Variants in TRAPPC13 observed in about 807,000 individuals in gnomAD.
The protein encoded by TRAPPC13 is trafficking protein particle complex subunit 13, also known as REV7-interacting novel NHEJ regulator 1.
TRAPPC13 carries 39 observed loss-of-function variants against 54.0 expected under a neutral mutation model. That is an observed-to-expected ratio of 0.72 (90% CI 0.56 to 0.94). The LOEUF (loss-of-function observed/expected upper bound fraction) is 0.94, where lower values mean the gene tolerates loss of function less well. TRAPPC13 is among the 40% of genes least tolerant of loss of function. The pLI is 0.00. For synonymous variants in TRAPPC13, 148 were observed against 167.7 expected, an observed-to-expected ratio of 0.88 and a Z score of 0.91; for missense variants, 386 against 488.1, an observed-to-expected ratio of 0.79 and a Z score of 1.97.
chr5:65,650,380 T>C (rs925613798), intron 5 of TRAPPC13, among the ~76,000 whole-genome samples: 13 of 151,980 alleles, frequency 8.6e-5, no homozygotes, highest in Non-Finnish European at 4.4e-5. Context: ...CAGGCTGCTC[T>C]CGAACTCCTG....
chr5:65,660,470 T>G (rs1245536454), intron 9 of TRAPPC13, among the ~76,000 whole-genome samples: 1 of 151,458 alleles, frequency 6.6e-6, no homozygotes, highest in Non-Finnish European at 1.5e-5. Context: ...CGGGGTCCAA[T>G]TACTATAAAG....
At chr5:65,631,942 T>G (rs565074274) in intron 1 of TRAPPC13, among the ~76,000 whole-genome samples, 1 of 150,662 alleles carries the variant, frequency 6.6e-6, no homozygotes, top group African/African-American at 2.4e-5. Flanking sequence ...GTTTCAGGAT[T>G]CCCTTGAGAC....
intron 7 of TRAPPC13, among the ~76,000 whole-genome samples, chr5:65,655,327 T>C: frequency 6.6e-6 from 1 of 152,222 alleles, no homozygotes; most frequent in East Asian, 1.9e-4. Context: ...TAAAGAATTA[T>C]AGAACTAGAA....
chr5:65,636,774 A>G (rs1256307891), intron 3 of TRAPPC13, among the ~76,000 whole-genome samples: 1 of 152,190 alleles, frequency 6.6e-6, no homozygotes, highest in Non-Finnish European at 1.5e-5. Context: ...TTCTAGATTA[A>G]TAATAAGGTA....
chr5:65,661,017 A>G (rs1008741788), intron 10 of TRAPPC13, 120 bp downstream of exon 10: 1 of 740,492 alleles, frequency 1.4e-6, no homozygotes, highest in Non-Finnish European at 2.2e-6. Context: ...CATTACTACT[A>G]CTGGAGCAGA....
chr5:65,636,147 T>TC, intron 3 of TRAPPC13, 104 bp downstream of exon 3: 1 of 694,286 alleles, frequency 1.4e-6, no homozygotes, highest in Non-Finnish European at 2.3e-6. Context: ...CATTTACCTT[T>TC]TTTTTTTTTT....
chr5:65,644,855 T>C (rs866335898), intron 4 of TRAPPC13, among the ~76,000 whole-genome samples: 37 of 145,534 alleles, frequency 2.5e-4, no homozygotes, highest in African/African-American at 9.0e-4. Context: ...CACTCCAACC[T>C]GGGTGACAGA....
rs749263053 is a variant in TRAPPC13 at position 65,637,749 on chromosome 5, G to A, written c.269G>A (p.Ser90Asn). 6.4e-7 allele frequency: 1 copy of A among 1,574,774 alleles called. No homozygotes were observed. Among genetic ancestry groups the A allele is most frequent in the Non-Finnish European group, 8.6e-7 (1 of 1,156,902 alleles). The change falls in exon 4 of 13, where the codon AGC becomes AAC. Residue 90 changes from serine (S) to asparagine (N), a missense_variant. Physicochemically the swap from Ser to Asn is conservative, Grantham distance 46 (BLOSUM62 1). Coordinates refer to ENST00000399438, the MANE Select transcript of TRAPPC13 (RefSeq NM_024941.4). ...FSSYISVHND[S>N]NQVVKDILVK... ...AGTTATATCAGCGTTCATAATGATA[G>A]CAATCAAGTTGTAAAAGACATATTA...
At chr5:65,664,134 C>T (rs1756941592) in intron 11 of TRAPPC13, 103 bp from the exon 12 acceptor site, 1 of 1,178,596 alleles carries the variant, frequency 8.5e-7, no homozygotes, top group Non-Finnish European at 1.2e-6. Flanking sequence ...TTTTATTCTC[C>T]TGGATATGGA....
At chr5:65,634,172 A>T (rs1755658548) in intron 1 of TRAPPC13, among the ~76,000 whole-genome samples, 1 of 150,204 alleles carries the variant, frequency 6.7e-6, no homozygotes, top group Admixed American at 6.7e-5. Context: ...TTTTTAGTAG[A>T]GACGGGGTTT....
chr5:65,649,370 G>C (rs1306664011), intron 5 of TRAPPC13, among the ~76,000 whole-genome samples: 1 of 152,164 alleles, frequency 6.6e-6, no homozygotes, highest in Admixed American at 6.5e-5. Context: ...AATATTTGAA[G>C]TGGTTTTACT....
Position 65,625,031 on chromosome 5 carries a change from G to T in TRAPPC13, c.-30G>T, listed in dbSNP as rs371229935. ...GGCAAGTTGAACCTGTCCAGCCCCC[G>T]TAGGCTGTGGGTCAAAAGTGCCGGT... is the stretch of plus-strand genomic sequence containing the variant. On this transcript the variant is annotated 5_prime_UTR_variant, in exon 1 of 13. Transcript: ENST00000399438. 448 of 1,606,354 alleles carry T rather than the reference G, an allele frequency of 2.8e-4. No individual in the cohort carries two copies. Among genetic ancestry groups the T allele is most frequent in the Non-Finnish European group, 3.6e-4 (421 of 1,173,112 alleles).
Position 65,664,662 on chromosome 5 carries a change from TTTG to T in TRAPPC13, c.*54_*56del, listed in dbSNP as rs1300394398. ...CATTTAGTTTCACAGAACTGCTCTT[TTTG>T]TTACCTTTGTAAAATGATGACGTCA... On this transcript the variant is annotated 3_prime_UTR_variant, in exon 13 of 13. Transcript: ENST00000399438. 1.5e-6 allele frequency: 2 copies of T among 1,305,072 alleles called. No individual in the cohort carries two copies. The highest frequency in any genetic ancestry group is 2.9e-5 in the African/African-American group (2 of 68,042). 80.8% of individuals were successfully genotyped at this position (1,305,072 alleles called of 1,614,324 possible).
intron 1 of TRAPPC13, chr5:65,629,688 C>T (rs1755441996): frequency 1.3e-6 from 2 of 1,536,002 alleles, no homozygotes; most frequent in South Asian, 1.2e-5. Flanking sequence ...CCTACTCGTC[C>T]GCTATCAAGA....
chr5:65,644,703 TA>T (rs1756114499), intron 4 of TRAPPC13, among the ~76,000 whole-genome samples: 2 of 145,480 alleles, frequency 1.4e-5, no homozygotes, highest in South Asian at 4.4e-4. Flanking sequence ...CAACATGGTG[TA>T]ACCCTGTTTC....
chr5:65,626,556 T>C (rs1256182046), intron 1 of TRAPPC13, among the ~76,000 whole-genome samples: 1 of 151,960 alleles, frequency 6.6e-6, no homozygotes, highest in African/African-American at 2.4e-5. Flanking sequence ...GCTAACATAG[T>C]GAAACCCCGT....
intron 4 of TRAPPC13, among the ~76,000 whole-genome samples, chr5:65,646,808 A>G (rs80177699): frequency 0.013 from 2,038 of 151,960 alleles, 50 homozygotes; most frequent in African/African-American, 0.046. Flanking sequence ...TTTATATTCC[A>G]TTTTGAATTC....
At chr5:65,627,131 C>CAAAAAAAAAAAAAAAAAAAAAAAAA (rs60169195) in intron 1 of TRAPPC13, among the ~76,000 whole-genome samples, 12 of 32,578 alleles carry the variant, frequency 3.7e-4, no homozygotes, top group South Asian at 9.6e-4. Flanking sequence ...GACCCTGTCT[C>CAAAAAAAAAAAAAAAAAAAAAAAAA]AAAAAAAAAA....
intron 1 of TRAPPC13, chr5:65,629,560 T>G: frequency 6.7e-7 from 1 of 1,487,794 alleles, no homozygotes; most frequent in Non-Finnish European, 8.9e-7. Context: ...AATTTTCTCA[T>G]CACTAAGAGT....
Sources: allele counts gnomAD v4.1 joint callset (sites outside exome capture counted in the v4.1 genomes callset), GRCh38; gene constraint gnomAD v4.1.1; transcripts MANE v1.5; gene names NCBI Gene and HGNC (gene_info 2026-07-23, HGNC 2026-07-21).